The following PDCD6 variants were observed in gnomAD, a reference collection of about 807,000 sequenced individuals.
PDCD6 encodes the protein programmed cell death 6.
In PDCD6, 12 loss-of-function variants were observed where a neutral mutation model predicts 28.3. That is an observed-to-expected ratio of 0.42 (90% CI 0.27 to 0.69). PDCD6 has a LOEUF of 0.69. Among genes scored for constraint, PDCD6 ranks in the 30% least tolerant of loss-of-function variants. PDCD6 has a pLI of 0.22. For synonymous variants in PDCD6, 92 were observed against 108.0 expected (o/e 0.85, Z 0.92); for missense variants, 226 against 269.9 (o/e 0.84, Z 1.14).
chr5:277,912 CAAAAA>C (rs529926870), intron 2 of PDCD6, among the ~76,000 whole-genome samples: 3 of 111,066 alleles, frequency 2.7e-5, no homozygotes, highest in African/African-American at 1.1e-4. Flanking sequence ...GACTCCATCT[CAAAAA>C]AAAAAAAAAA....
chr5:300,658 C>T (rs1485325159), intron 2 of PDCD6, among the ~76,000 whole-genome samples: 10 of 152,256 alleles, frequency 6.6e-5, no homozygotes, highest in South Asian at 2.1e-4. Flanking sequence ...CTGTGCGCCA[C>T]GGTGCTTCAG....
chr5:302,699 G>A (rs1020476321), intron 2 of PDCD6, among the ~76,000 whole-genome samples: 3 of 148,022 alleles, frequency 2.0e-5, no homozygotes, highest in African/African-American at 7.6e-5. Flanking sequence ...GTGCTGCTGT[G>A]TGTGTGGGCC....
intron 1 of PDCD6, among the ~76,000 whole-genome samples, chr5:272,142 G>T (rs902236310): frequency 2.0e-5 from 3 of 151,050 alleles, no homozygotes; most frequent in African/African-American, 4.9e-5. Context: ...CGCCACTGCA[G>T]ACCCGAGGTC....
chr5:278,830 AGGAGGGTGCTGGGGATGCGGG>A (rs1196848100), intron 2 of PDCD6, among the ~76,000 whole-genome samples: 24 of 72,048 alleles, frequency 3.3e-4, no homozygotes, highest in Admixed American at 9.9e-4. Context: ...CTGGGGACAC[AGGAGGGTGCTGGGGATGCGGG>A]GGAGGGTGCT....
intron 2 of PDCD6, among the ~76,000 whole-genome samples, chr5:282,899 G>A (rs932799503): frequency 6.6e-6 from 1 of 152,020 alleles, no homozygotes; most frequent in Non-Finnish European, 1.5e-5. Flanking sequence ...GGGATGAGCT[G>A]AGGTTCTAGT....
intron 2 of PDCD6, among the ~76,000 whole-genome samples, chr5:296,030 A>T (rs1739588571): frequency 6.6e-6 from 1 of 152,166 alleles, no homozygotes; most frequent in African/African-American, 2.4e-5. Flanking sequence ...CTTACTGTCC[A>T]GATGGCGTGA....
At chr5:314,159 G>A (rs1741118112) in intron 5 of PDCD6, among the ~76,000 whole-genome samples, 1 of 152,228 alleles carries the variant, frequency 6.6e-6, no homozygotes, top group Non-Finnish European at 1.5e-5. Context: ...ACCAGAGCCT[G>A]GGGTCAGGGG....
In PDCD6 at chr5:314,431, A is replaced by G. The variant is rs1437589086; in HGVS notation, c.492A>G (p.Ile164Met). 4 of 1,613,274 alleles carry G rather than the reference A, an allele frequency of 2.5e-6. No individual in the cohort carries two copies. The highest frequency in any genetic ancestry group is 1.7e-5 in the Admixed American group (1 of 60,008). The change falls in exon 6 of 6, where the codon ATA (isoleucine) becomes ATG (methionine). Residue 164 changes from isoleucine (I) to methionine (M), a missense_variant. Physicochemically the swap from Ile to Met is conservative, Grantham distance 10. Transcript: ENST00000264933. ...TTTCTCCCCAGAGGTTGACGGATAT[A>G]TTCAGACGTTACGACACGGATCAGG... ...GCIVLQRLTD[I>M]FRRYDTDQDG...
intron 2 of PDCD6, among the ~76,000 whole-genome samples, chr5:287,808 C>G (rs1280012978): frequency 2.0e-5 from 3 of 152,150 alleles, no homozygotes; most frequent in Non-Finnish European, 4.4e-5. Flanking sequence ...TCTTCCAGTA[C>G]AATGGTGTTT....
intron 2 of PDCD6, among the ~76,000 whole-genome samples, chr5:300,486 T>C (rs1454837841): frequency 6.6e-6 from 1 of 152,232 alleles, no homozygotes; most frequent in Admixed American, 6.5e-5. Flanking sequence ...ATGCAGTCTT[T>C]CGTGCTTTCA....
chr5:281,198 C>T (rs191169732), intron 2 of PDCD6, among the ~76,000 whole-genome samples: 305 of 152,316 alleles, frequency 2.0e-3, no homozygotes, highest in African/African-American at 6.8e-3. Context: ...AAAGAGACAT[C>T]GATTTGAAAA....
At chr5:297,313 A>G (rs1403886892) in intron 2 of PDCD6, among the ~76,000 whole-genome samples, 1 of 152,280 alleles carries the variant, frequency 6.6e-6, no homozygotes, top group African/African-American at 2.4e-5. Flanking sequence ...GCGCTGTCCT[A>G]GCAGAAACTT....
chr5:278,980 T>G (rs1738391877), intron 2 of PDCD6, among the ~76,000 whole-genome samples: 1 of 152,076 alleles, frequency 6.6e-6, no homozygotes, highest in Non-Finnish European at 1.5e-5. Context: ...GGCTTGCGGT[T>G]GTTTCGCGCC....
chr5:294,821 C>A (rs1185090719), intron 2 of PDCD6, among the ~76,000 whole-genome samples: 1 of 152,138 alleles, frequency 6.6e-6, no homozygotes, highest in Admixed American at 6.5e-5. Flanking sequence ...CGGGAACCAA[C>A]GCGGATGCTT....
intron 2 of PDCD6, among the ~76,000 whole-genome samples, chr5:288,297 T>C (rs1186478974): frequency 1.8e-5 from 2 of 108,292 alleles, no homozygotes; most frequent in African/African-American, 2.8e-5. Context: ...ATATATTATA[T>C]ATATATATAT....
chr5:277,007 A>G, intron 2 of PDCD6: 1 of 940,688 alleles, frequency 1.1e-6, no homozygotes, highest in Non-Finnish European at 1.3e-6. Flanking sequence ...TTGGAATTAT[A>G]AGAAATTAAC....
intron 2 of PDCD6, among the ~76,000 whole-genome samples, chr5:295,797 A>G (rs1378972292): frequency 6.8e-6 from 1 of 147,402 alleles, no homozygotes; most frequent in Non-Finnish European, 1.5e-5. Context: ...AAAGCCAATC[A>G]CTAAGACGAT....
chr5:300,555 T>G (rs1278458216), intron 2 of PDCD6, among the ~76,000 whole-genome samples: 1 of 152,242 alleles, frequency 6.6e-6, no homozygotes, highest in Non-Finnish European at 1.5e-5. Flanking sequence ...GACAAGTGAC[T>G]CCATGGCCTT....
intron 2 of PDCD6, among the ~76,000 whole-genome samples, chr5:285,514 C>T (rs1292462557): frequency 2.0e-5 from 3 of 151,738 alleles, no homozygotes; most frequent in African/African-American, 7.3e-5. Context: ...AGCTGGAGAC[C>T]TGGTGGGGAG....
Sources: gnomAD v4.1 joint callset for allele counts (sites outside exome capture counted in the v4.1 genomes callset) on GRCh38, gnomAD v4.1.1 for gene constraint, MANE v1.5 for transcripts, NCBI Gene and HGNC (gene_info 2026-07-23, HGNC 2026-07-21) for gene names.